The following EIF5B variants were observed in gnomAD, a reference collection of about 807,000 sequenced individuals.
EIF5B encodes eukaryotic translation initiation factor 5B.
EIF5B carries 47 observed loss-of-function variants against 147.5 expected under a neutral mutation model. The ratio of observed to expected loss-of-function variants is 0.32; its 90% CI spans 0.25 to 0.41. EIF5B has a LOEUF of 0.41. EIF5B is among the 10% of genes least tolerant of loss of function. The probability of loss-of-function intolerance (pLI) is 1.00; values close to 1 mark genes in which losing one functional copy is unlikely to be tolerated. For missense variants in EIF5B, 1,064 were observed against 1,413.2 expected, an observed-to-expected ratio of 0.75 and a Z score of 3.96; for synonymous variants, 455 against 456.2, an observed-to-expected ratio of 1.00 and a Z score of 0.03.
intron 1 of EIF5B, among the ~76,000 whole-genome samples, chr2:99,356,231 T>C (rs1189566034): frequency 6.6e-6 from 1 of 152,238 alleles, no homozygotes; most frequent in Non-Finnish European, 1.5e-5. Flanking sequence ...GATGTCGATG[T>C]TGATCACTTG....
At chr2:99,385,940 C>A (rs1198379255) in intron 14 of EIF5B, among the ~76,000 whole-genome samples, 1 of 152,090 alleles carries the variant, frequency 6.6e-6, no homozygotes, top group Non-Finnish European at 1.5e-5. Context: ...ACTAGTTTTG[C>A]CTGTTTTATG....
In EIF5B at chr2:99,399,413, A is replaced by C. The variant is rs1383548868; in HGVS notation, c.3662A>C (p.Ter1221SerextTer10). 1 of 1,613,608 alleles carries C rather than the reference A, an allele frequency of 6.2e-7. No homozygotes were observed. The highest frequency in any genetic ancestry group is 8.5e-7 in the Non-Finnish European group (1 of 1,179,740). The change falls in exon 24 of 24, where the codon TAA becomes TCA. Residue 1221 changes from the stop codon to serine, a stop_lost. Coordinates refer to ENST00000289371, the MANE Select transcript of EIF5B (RefSeq NM_015904.4). The stretch of plus-strand genomic sequence containing the variant: ...CTGAAGAAAGTATTTGAAATCATCT[A>C]ATTTTTTCACATGGAGCAGGAACTG... ...VELKKVFEII* is the reference protein window; with the variant it reads ...VELKKVFEIIS
chr2:99,360,137 C>T (rs1674177364), intron 1 of EIF5B, 99 bp from the exon 2 acceptor site: 6 of 1,361,494 alleles, frequency 4.4e-6, no homozygotes, highest in Non-Finnish European at 5.9e-6. Context: ...TCTCATTGTG[C>T]TGCTAATGCA....
Position 99,337,431 on chromosome 2 carries a change from C to A in EIF5B, c.-124C>A. ...TTCCAGTGCGCGGGTCTGTGGAGAG[C>A]CGGGTGCGAGCGGCGGCAGCACGAG... On this transcript the variant is annotated 5_prime_UTR_variant, in exon 1 of 24. Transcript: ENST00000289371. 2.4e-6 allele frequency: 3 copies of A among 1,240,644 alleles called. No individual in the cohort carries two copies. The South Asian group carries it at 3.9e-5, about 16-fold the overall frequency. 76.9% of individuals were successfully genotyped at this position (1,240,644 alleles called of 1,614,324 possible).
intron 1 of EIF5B, 63 bp from the exon 2 acceptor site, chr2:99,360,173 T>A (rs1341090735): frequency 6.5e-7 from 1 of 1,530,184 alleles, no homozygotes; most frequent in Non-Finnish European, 8.8e-7. Context: ...TGATAAAATC[T>A]ATATAAATGA....
chr2:99,337,627 T>C (rs967135897), intron 1 of EIF5B, 38 bp downstream of exon 1: 7 of 1,591,432 alleles, frequency 4.4e-6, no homozygotes, highest in Admixed American at 1.7e-5. Flanking sequence ...GCGGCCGCCG[T>C]GGCTCAGTGG....
At chr2:99,344,665 G>T (rs2094268708) in intron 1 of EIF5B, among the ~76,000 whole-genome samples, 1 of 152,134 alleles carries the variant, frequency 6.6e-6, no homozygotes, top group South Asian at 2.1e-4. Flanking sequence ...TCAAACTCTT[G>T]ACTTCAAATG....
At chr2:99,385,208 A>G (rs916930190) in intron 14 of EIF5B, among the ~76,000 whole-genome samples, 1 of 152,112 alleles carries the variant, frequency 6.6e-6, no homozygotes, top group Non-Finnish European at 1.5e-5. Context: ...CACCACTCCC[A>G]GCTAATTTTT....
Position 99,371,691 on chromosome 2 carries a change from G to C in EIF5B, c.1513G>C (p.Asp505His). The change falls in exon 9 of 24, where the codon GAT (aspartate) becomes CAT (histidine). Residue 505 changes from aspartate to histidine, a missense_variant. Asp to His is a moderately conservative substitution (Grantham distance 81, BLOSUM62 -1). Transcript: ENST00000289371. ...AGATACTGAGGATGCTGGATTGGATGATTGGGAAGCTATGGCCAGTGATGA... is the reference window on the plus strand; with the variant it reads ...AGATACTGAGGATGCTGGATTGGATCATTGGGAAGCTATGGCCAGTGATGA... ...EEDTEDAGLD[D>H]WEAMASDEET... 4 of 1,613,182 alleles carry C rather than the reference G, an allele frequency of 2.5e-6. No homozygotes were observed. Among genetic ancestry groups the C allele is most frequent in the Non-Finnish European group, 3.4e-6 (4 of 1,179,510 alleles).
rs1338454447 is a variant in EIF5B at position 99,401,245 on chromosome 2, G to C, written c.*1831G>C. ...CATCAGGCTCTCTGGTAATATTTAT[G>C]TAACTTTTAATGTGCTTCCATAAGT... is the stretch of plus-strand genomic sequence containing the variant. On this transcript the variant is annotated 3_prime_UTR_variant, in exon 24 of 24. Transcript: ENST00000289371. 16 of 1,596,116 alleles carry C rather than the reference G, an allele frequency of 1.0e-5. No homozygotes were observed. Among genetic ancestry groups the C allele is most frequent in the Non-Finnish European group, 1.4e-5 (16 of 1,163,968 alleles).
intron 1 of EIF5B, among the ~76,000 whole-genome samples, chr2:99,344,669 T>A (rs2094268726): frequency 6.6e-6 from 1 of 152,164 alleles, no homozygotes; most frequent in South Asian, 2.1e-4. Context: ...ACTCTTGACT[T>A]CAAATGATCC....
chr2:99,394,856 A>G lies in EIF5B; in HGVS notation c.3227A>G (p.Tyr1076Cys). ...FDAFTKYRQD[Y>C]KKQKQEEFKH... ...GCCTTTACAAAATATAGACAAGACT[A>G]CAAGAAACAGAAACAAGAAGAATTT... Residue 1076 changes from tyrosine to cysteine, a missense_variant, in exon 21 of 24, where the codon TAC becomes TGC. This residue lies in a region of EIF5B where 380 missense variants were observed against 715.6 expected (regional missense o/e 0.53). Coordinates refer to ENST00000289371, the MANE Select transcript of EIF5B (RefSeq NM_015904.4). 1 of 1,588,246 alleles carries G rather than the reference A, an allele frequency of 6.3e-7. No homozygotes were observed. The highest frequency in any genetic ancestry group is 8.6e-7 in the Non-Finnish European group (1 of 1,167,600).
intron 23 of EIF5B, 54 bp downstream of exon 23, chr2:99,398,963 T>C: frequency 6.3e-7 from 1 of 1,575,616 alleles, no homozygotes; most frequent in Non-Finnish European, 8.6e-7. Flanking sequence ...TCACTCTTCT[T>C]GGGTCACCTG....
At chr2:99,342,514 C>G (rs1355401411) in intron 1 of EIF5B, among the ~76,000 whole-genome samples, 2 of 152,052 alleles carry the variant, frequency 1.3e-5, no homozygotes, top group Admixed American at 6.5e-5. Flanking sequence ...TCATTTTAAT[C>G]TTTAGGATTT....
intron 1 of EIF5B, among the ~76,000 whole-genome samples, chr2:99,344,496 G>T (rs1559242509): frequency 6.6e-6 from 1 of 151,794 alleles, no homozygotes; most frequent in South Asian, 2.1e-4. Context: ...GAGTACAGTG[G>T]TGTGATCTCT....
chr2:99,399,097 C>A, intron 23 of EIF5B, 188 bp downstream of exon 23: 1 of 815,980 alleles, frequency 1.2e-6, no homozygotes, highest in Non-Finnish European at 1.9e-6. Flanking sequence ...AAAGCAGCAC[C>A]AACAGAGAAA....
chr2:99,382,650 G>A, intron 13 of EIF5B, 130 bp from the exon 14 acceptor site: 1 of 913,096 alleles, frequency 1.1e-6, no homozygotes. Flanking sequence ...CAAGTTAAGG[G>A]CTAATAGTAC....
At position 99,369,410 on chromosome 2, in the gene EIF5B, T is replaced by C. The variant is rs1251505517; in HGVS notation, c.1406T>C (p.Leu469Ser). ...ESKEVSESMELCAAVEVMEQG... is the reference protein window; with the variant it reads ...ESKEVSESMESCAAVEVMEQG... ...TTTTCAGTGTCTGAATCAATGGAATTATGTGCTGCTGTAGAAGTTATGGAA... is the reference window on the plus strand; with the variant it reads ...TTTTCAGTGTCTGAATCAATGGAATCATGTGCTGCTGTAGAAGTTATGGAA... Residue 469 changes from leucine (L) to serine (S), a missense_variant, in exon 8 of 24, where the codon TTA becomes TCA. Leu to Ser is a moderately radical substitution (Grantham distance 145). This residue lies in a region of EIF5B where 195 missense variants were observed against 186.3 expected (regional missense o/e 1.05). Coordinates refer to ENST00000289371, the MANE Select transcript of EIF5B (RefSeq NM_015904.4). The C allele has an allele frequency of 1.2e-5, 19 of 1,611,050 alleles. No homozygotes were observed. Among genetic ancestry groups the C allele is most frequent in the Non-Finnish European group, 1.5e-5 (18 of 1,178,396 alleles).
chr2:99,337,433 G>A lies in EIF5B; in HGVS notation c.-122G>A. The A allele has an allele frequency of 3.2e-6, 4 of 1,260,952 alleles. No individual in the cohort carries two copies. Among genetic ancestry groups the A allele is most frequent in the South Asian group, 2.6e-5 (2 of 78,232 alleles). 78.1% of individuals were successfully genotyped at this position (1,260,952 alleles called of 1,614,324 possible). ...CCAGTGCGCGGGTCTGTGGAGAGCC[G>A]GGTGCGAGCGGCGGCAGCACGAGGG... is the stretch of plus-strand genomic sequence containing the variant. On this transcript the variant is annotated 5_prime_UTR_variant, in exon 1 of 24. Coordinates refer to ENST00000289371, the MANE Select transcript of EIF5B (RefSeq NM_015904.4).
Sources: gnomAD v4.1 joint callset for allele counts (sites outside exome capture counted in the v4.1 genomes callset) on GRCh38, gnomAD v4.1.1 for gene constraint, gnomAD v4.1.1 regional missense constraint, MANE v1.5 for transcripts, NCBI Gene and HGNC (gene_info 2026-07-23, HGNC 2026-07-21) for gene names.